The following GALNTL6 variants were observed in gnomAD, a reference collection of about 807,000 sequenced individuals.
GALNTL6 encodes the protein polypeptide N-acetylgalactosaminyltransferase-like 6.
GALNTL6 carries 46 observed loss-of-function variants against 73.7 expected under a neutral mutation model. The ratio of observed to expected loss-of-function variants is 0.62; its 90% CI spans 0.49 to 0.80. The LOEUF (loss-of-function observed/expected upper bound fraction) is 0.80, where lower values mean the gene tolerates loss of function less well. Ranked by LOEUF, GALNTL6 falls within the 30% of genes least tolerant of loss-of-function variation. The pLI is 0.00. For missense variants in GALNTL6, 604 were observed against 755.0 expected, an observed-to-expected ratio of 0.80 and a Z score of 2.34; for synonymous variants, 259 against 263.7, an observed-to-expected ratio of 0.98 and a Z score of 0.17.
chr4:171,903,902 C>A (rs1045218380), intron 2 of GALNTL6, among the ~76,000 whole-genome samples: 154 of 152,172 alleles, frequency 1.0e-3, no homozygotes, highest in South Asian at 6.4e-3. Flanking sequence ...CTCACACGGC[C>A]AGGTACTCCA....
intron 5 of GALNTL6, among the ~76,000 whole-genome samples, chr4:172,557,501 T>C (rs1736193574): frequency 1.3e-5 from 2 of 152,140 alleles, no homozygotes; most frequent in African/African-American, 4.8e-5. Flanking sequence ...TATATCCAGC[T>C]GAAAAATTTA....
intron 2 of GALNTL6, among the ~76,000 whole-genome samples, chr4:172,048,230 A>G (rs561249702): frequency 6.6e-6 from 1 of 152,282 alleles, no homozygotes; most frequent in South Asian, 2.1e-4. Flanking sequence ...ACATTTTGCT[A>G]TAATATCCCA....
rs530686851 is a variant in GALNTL6, at chr4:172,078,611, A to T, written c.139-151045A>T. On this transcript the variant is annotated intron_variant, in intron 2 of 12. Transcript: ENST00000506823. Reference sequence around the variant, plus strand: ...CTTAGATACTGAAAGGGAAGTTAAAATTAAGAGGCTGCTTCAAGTTGATTA... The same window carrying T: ...CTTAGATACTGAAAGGGAAGTTAAATTTAAGAGGCTGCTTCAAGTTGATTA... Among the ~76,000 whole-genome samples the T allele has an allele frequency of 9.2e-5, 14 of 152,302 alleles. No homozygotes were observed. The South Asian group carries it at 1.7e-3, about 18-fold the overall frequency.
At chr4:172,813,419 A>C (rs1741422724) in intron 6 of GALNTL6, 121 bp from the exon 7 acceptor site, 1 of 692,952 alleles carries the variant, frequency 1.4e-6, no homozygotes. Flanking sequence ...TCTAAGGAGG[A>C]CAGGGAGCCA....
At chr4:172,389,258 A>G (rs1275949057) in intron 5 of GALNTL6, among the ~76,000 whole-genome samples, 2 of 152,048 alleles carry the variant, frequency 1.3e-5, no homozygotes, top group East Asian at 3.8e-4. Context: ...TTTATTAACT[A>G]TGTCTAATTC....
intron 5 of GALNTL6, among the ~76,000 whole-genome samples, chr4:172,763,647 G>A (rs1158504040): frequency 6.6e-6 from 1 of 152,196 alleles, no homozygotes; most frequent in Non-Finnish European, 1.5e-5. Context: ...TATGGAGCTT[G>A]TTTAACACTG....
chr4:171,988,657 T>G lies in GALNTL6; in HGVS notation c.138+173939T>G, dbSNP rs534182804. On this transcript the variant is annotated intron_variant, in intron 2 of 12. Transcript: ENST00000506823. ...ACTAACCTGTAAGCCTTGCCTGGTT[T>G]TAGGACAGGTAAAATGGGGGAATGG... is the stretch of plus-strand genomic sequence containing the variant. 3.9e-4 allele frequency among the ~76,000 whole-genome samples: 60 copies of G among 152,184 alleles called. 1 individual carries two copies. The South Asian group carries it at 0.012, about 31-fold the overall frequency.
At chr4:172,938,801 T>C (rs1191906829) in intron 9 of GALNTL6, among the ~76,000 whole-genome samples, 2 of 152,192 alleles carry the variant, frequency 1.3e-5, no homozygotes, top group Non-Finnish European at 2.9e-5. Flanking sequence ...AAGCAGGAAA[T>C]GATAGATCTT....
chr4:172,955,076 C>T (rs146214555), intron 10 of GALNTL6, among the ~76,000 whole-genome samples: 1 of 152,236 alleles, frequency 6.6e-6, no homozygotes, highest in African/African-American at 2.4e-5. Flanking sequence ...ATAAGTGAAA[C>T]ATGTACATTT....
intron 4 of GALNTL6, among the ~76,000 whole-genome samples, chr4:172,347,959 T>C (rs543757902): frequency 6.6e-6 from 1 of 152,326 alleles, no homozygotes; most frequent in East Asian, 1.9e-4. Flanking sequence ...ATTTGGATCT[T>C]AATTTAATCT....
chr4:172,487,212 C>G (rs1241937936), intron 5 of GALNTL6, among the ~76,000 whole-genome samples: 3 of 148,574 alleles, frequency 2.0e-5, no homozygotes, highest in African/African-American at 7.4e-5. Flanking sequence ...TTCTTTCTTT[C>G]TCCTTCCTTC....
intron 2 of GALNTL6, among the ~76,000 whole-genome samples, chr4:172,047,792 T>TA (rs999291744): frequency 4.6e-5 from 7 of 152,090 alleles, no homozygotes; most frequent in Admixed American, 2.6e-4. Flanking sequence ...CAATGTTTTT[T>TA]AAAAAAAGTT....
chr4:172,900,939 TTC>T (rs1209704551), intron 8 of GALNTL6, among the ~76,000 whole-genome samples: 1 of 152,198 alleles, frequency 6.6e-6, no homozygotes, highest in Non-Finnish European at 1.5e-5. Flanking sequence ...CATCTCTCAC[TTC>T]TCTGTCACTT....
At chr4:172,666,876 T>C (rs1731695306) in intron 5 of GALNTL6, 1 of 152,196 alleles carries the variant, frequency 6.6e-6, no homozygotes, top group Admixed American at 6.5e-5. Flanking sequence ...CAGCAAGAAT[T>C]GTGTAACTAT....
intron 5 of GALNTL6, among the ~76,000 whole-genome samples, chr4:172,577,734 C>T (rs1423868336): frequency 6.6e-6 from 1 of 152,166 alleles, no homozygotes; most frequent in African/African-American, 2.4e-5. Flanking sequence ...TCTCAATTCA[C>T]AAGACCCCAT....
intron 2 of GALNTL6, chr4:171,815,010 A>AG: frequency 1.9e-6 from 1 of 514,368 alleles, no homozygotes. Context: ...GGTGGATGAA[A>AG]GGTAACTGTT....
intron 8 of GALNTL6, among the ~76,000 whole-genome samples, chr4:172,924,586 A>AG (rs1747954593): frequency 6.6e-6 from 1 of 152,234 alleles, no homozygotes; most frequent in Non-Finnish European, 1.5e-5. Context: ...GACAAGGAAT[A>AG]GGAAAGAAGG....
At chr4:172,560,014 A>T (rs1243377372) in intron 5 of GALNTL6, among the ~76,000 whole-genome samples, 2 of 152,198 alleles carry the variant, frequency 1.3e-5, no homozygotes, top group African/African-American at 4.8e-5. Context: ...TATGTGTTCC[A>T]ATTCGTAATT....
chr4:172,224,273 G>A (rs940077226), intron 2 of GALNTL6, among the ~76,000 whole-genome samples: 1 of 152,132 alleles, frequency 6.6e-6, no homozygotes, highest in African/African-American at 2.4e-5. Context: ...TTTCATATGT[G>A]AGCTGAGAGA....
Sources: gnomAD v4.1 joint callset for allele counts (sites outside exome capture counted in the v4.1 genomes callset) on GRCh38, gnomAD v4.1.1 for gene constraint, MANE v1.5 for transcripts, NCBI Gene and HGNC (gene_info 2026-07-23, HGNC 2026-07-21) for gene names.